Variants in PSEN2 observed in about 807,000 individuals in gnomAD.
PSEN2 encodes presenilin 2.
A neutral mutation model predicts 49.1 loss-of-function variants in PSEN2; 32 were observed. That is an observed-to-expected ratio of 0.65 (90% CI 0.49 to 0.88). The LOEUF (loss-of-function observed/expected upper bound fraction) is 0.88. PSEN2 is among the 40% of genes least tolerant of loss of function. The pLI, the probability that PSEN2 is intolerant of heterozygous loss-of-function variation, is 0.00. For synonymous variants in PSEN2, 255 were observed against 244.0 expected, an observed-to-expected ratio of 1.05 and a Z score of -0.42; for missense variants, 522 against 586.9, an observed-to-expected ratio of 0.89 and a Z score of 1.14.
intron 11 of PSEN2, 52 bp from the exon 12 acceptor site, chr1:226,893,955 T>C: frequency 1.3e-6 from 2 of 1,491,998 alleles, no homozygotes; most frequent in Non-Finnish European, 1.9e-6. Flanking sequence ...TCTCTTCTTT[T>C]TCCATTCTGT....
chr1:226,881,824 T>C (rs1268861474), intron 3 of PSEN2, 64 bp from the exon 4 acceptor site: 98 of 1,603,174 alleles, frequency 6.1e-5, no homozygotes, highest in East Asian at 1.3e-4. Flanking sequence ...AGCCACCCCC[T>C]GAGTCCTCCA....
At chr1:226,890,901 G>A (rs1571964836) in intron 9 of PSEN2, 2 of 269,650 alleles carry the variant, frequency 7.4e-6, no homozygotes, top group Non-Finnish European at 1.4e-5. Flanking sequence ...CGCCTGCAGC[G>A]TGGCCCCACG....
chr1:226,880,346 C>A (rs1282438293), intron 3 of PSEN2: 7 of 449,408 alleles, frequency 1.6e-5, no homozygotes, highest in African/African-American at 8.1e-5. Flanking sequence ...CACTGTACTC[C>A]AACGTAAGTG....
chr1:226,878,819 C>G (rs1319371463), intron 3 of PSEN2, among the ~76,000 whole-genome samples: 1 of 152,226 alleles, frequency 6.6e-6, no homozygotes, highest in Admixed American at 6.5e-5. Flanking sequence ...CCTCGTATCT[C>G]ATCCAGCACA....
intron 11 of PSEN2, among the ~76,000 whole-genome samples, chr1:226,892,497 C>T (rs1362392666): frequency 6.6e-6 from 1 of 152,322 alleles, no homozygotes; most frequent in Admixed American, 6.5e-5. Context: ...GCGTGCCAGG[C>T]AGCACCCTGG....
chr1:226,884,583 G>A (rs1222674626), intron 5 of PSEN2: 1 of 148,134 alleles, frequency 6.8e-6, no homozygotes, highest in African/African-American at 2.5e-5. Context: ...TTCATTTCGT[G>A]TGTGTTGGTT....
chr1:226,890,738 G>A (rs1171936359), intron 9 of PSEN2: 1 of 191,508 alleles, frequency 5.2e-6, no homozygotes, highest in East Asian at 1.3e-4. Flanking sequence ...CCCTGTGATT[G>A]TGATGCCCTC....
In PSEN2 at chr1:226,890,947, G is replaced by A. The variant is rs911178273; in HGVS notation, c.887-331G>A. On this transcript the variant is annotated intron_variant, in intron 9 of 12. Transcript: ENST00000366783. ...TTCCAGGCGCATTCCGAGGATGAGCGGAGACCATGTATGGAAAGGTAGTGC... is the reference window on the plus strand; with the variant it reads ...TTCCAGGCGCATTCCGAGGATGAGCAGAGACCATGTATGGAAAGGTAGTGC... The A allele has an allele frequency of 1.0e-4, 37 of 370,878 alleles. 1 individual carries two copies. The highest frequency in any genetic ancestry group is 9.8e-4 in the South Asian group (32 of 32,624). The allele number at this position is 370,878 out of a possible 1,614,324, so 23.0% of individuals were successfully genotyped here. A position where few individuals can be genotyped will look rare whatever the true frequency, so the allele number is the denominator to read the frequency against.
At chr1:226,876,553 A>G (rs1660639344) in intron 3 of PSEN2, among the ~76,000 whole-genome samples, 2 of 152,244 alleles carry the variant, frequency 1.3e-5, no homozygotes, top group Non-Finnish European at 2.9e-5. Flanking sequence ...GAAATGCAGA[A>G]AAATATCAAG....
At chr1:226,881,623 C>T (rs1017939780) in intron 3 of PSEN2, among the ~76,000 whole-genome samples, 1 of 152,242 alleles carries the variant, frequency 6.6e-6, no homozygotes, top group Admixed American at 6.5e-5. Context: ...CAGTTTGGAG[C>T]TGCCCTGACT....
intron 4 of PSEN2, 73 bp downstream of exon 4, chr1:226,882,121 A>G (rs1234303650): frequency 6.3e-7 from 1 of 1,575,132 alleles, no homozygotes; most frequent in East Asian, 2.3e-5. Context: ...TGAAAACCAG[A>G]CATTCATTCC....
chr1:226,897,679 C>T (rs534864852), downstream of PSEN2: 13 of 155,434 alleles, frequency 8.4e-5, no homozygotes, highest in East Asian at 3.9e-4. Context: ...GTATCTCCCC[C>T]GTGTAACCCG....
chr1:226,885,027 T>A (rs1430114032), intron 5 of PSEN2, among the ~76,000 whole-genome samples: 1 of 152,166 alleles, frequency 6.6e-6, no homozygotes, highest in Admixed American at 6.5e-5. Flanking sequence ...GCCAGCGGTT[T>A]GTTTGCAGCA....
chr1:226,882,526 T>G (rs770986010), intron 4 of PSEN2, among the ~76,000 whole-genome samples: 7 of 152,144 alleles, frequency 4.6e-5, no homozygotes, highest in Non-Finnish European at 1.0e-4. Flanking sequence ...GGGAGGAGAT[T>G]GTAACGTTAG....
At chr1:226,893,192 A>C (rs1196920082) in intron 11 of PSEN2, among the ~76,000 whole-genome samples, 5 of 152,198 alleles carry the variant, frequency 3.3e-5, no homozygotes, top group Admixed American at 2.6e-4. Context: ...TGGCCTTCCA[A>C]AGTACTGGGA....
intron 2 of PSEN2, among the ~76,000 whole-genome samples, 188 bp downstream of exon 2, chr1:226,871,592 G>C (rs1176389519): frequency 6.6e-6 from 1 of 152,210 alleles, no homozygotes; most frequent in East Asian, 1.9e-4. Flanking sequence ...ATTCCATAGA[G>C]ACGATTGTAG....
chr1:226,887,719 C>G (rs555487068), intron 6 of PSEN2, among the ~76,000 whole-genome samples: 1 of 152,336 alleles, frequency 6.6e-6, no homozygotes, highest in South Asian at 2.1e-4. Context: ...ACACCCCTCA[C>G]ACTGGAACAC....
At chr1:226,902,761 C>T (rs137923817) in intron 12 of PSEN2, among the ~76,000 whole-genome samples, 1 of 152,256 alleles carries the variant, frequency 6.6e-6, no homozygotes, top group African/African-American at 2.4e-5. Flanking sequence ...GGCTGGCTTG[C>T]AAGCACCTGT....
At position 226,883,821 on chromosome 1, in the gene PSEN2, G is replaced by A. The variant is rs1661160133; in HGVS notation, c.258G>A (p.Lys86=). The part of the protein sequence containing the change: ...EEELTLKYGA[K]HVIMLFVPVT... The stretch of plus-strand genomic sequence containing the variant: ...AGCTGACCCTCAAATACGGAGCGAA[G>A]CACGTGATCATGCTGTTTGTGCCTG... Residue 86 remains lysine, a synonymous_variant, in exon 5 of 13, where the codon AAG becomes AAA. Coordinates refer to ENST00000366783, the MANE Select transcript of PSEN2 (RefSeq NM_000447.3). 1.2e-6 allele frequency: 2 copies of A among 1,614,202 alleles called. No homozygotes were observed. Among genetic ancestry groups the A allele is most frequent in the South Asian group, 2.2e-5 (2 of 91,082 alleles).
Sources: allele counts gnomAD v4.1 joint callset (sites outside exome capture counted in the v4.1 genomes callset), GRCh38; gene constraint gnomAD v4.1.1; transcripts MANE v1.5; gene names NCBI Gene and HGNC (gene_info 2026-07-23, HGNC 2026-07-21).